The following AOPEP variants were observed in gnomAD, a reference collection of about 807,000 sequenced individuals.
AOPEP encodes the protein aminopeptidase O (putative).
AOPEP carries 77 observed loss-of-function variants against 98.1 expected under a neutral mutation model. The ratio of observed to expected loss-of-function variants is 0.78; its 90% CI spans 0.65 to 0.95. AOPEP has a LOEUF of 0.95. AOPEP is among the 40% of genes least tolerant of loss of function. The pLI is 0.00. For missense variants in AOPEP, 1,024 were observed against 1,024.7 expected (o/e 1.00, Z 0.01); for synonymous variants, 346 against 365.3 (o/e 0.95, Z 0.60).
chr9:95,071,914 G>T (rs143387081), intron 14 of AOPEP, among the ~76,000 whole-genome samples: 50 of 152,262 alleles, frequency 3.3e-4, no homozygotes, highest in Middle Eastern at 3.4e-3. Flanking sequence ...ACCTGCAGAG[G>T]GAAGAATAAG....
intron 3 of AOPEP, among the ~76,000 whole-genome samples, chr9:94,787,507 A>C (rs752574635): frequency 1.3e-5 from 2 of 152,254 alleles, no homozygotes; most frequent in Non-Finnish European, 2.9e-5. Context: ...GACAGGCAGC[A>C]AGAAAATCAG....
intron 1 of AOPEP, among the ~76,000 whole-genome samples, chr9:94,756,114 G>A (rs1390620995): frequency 6.6e-6 from 1 of 152,032 alleles, no homozygotes; most frequent in Non-Finnish European, 1.5e-5. Flanking sequence ...AAAAAAATTA[G>A]CCGGGTGTGG....
intron 13 of AOPEP, among the ~76,000 whole-genome samples, chr9:95,039,868 T>G (rs1314298345): frequency 6.6e-6 from 1 of 152,256 alleles, no homozygotes; most frequent in Non-Finnish European, 1.5e-5. Flanking sequence ...GCTGACTTTT[T>G]ATTTAGAGTT....
chr9:95,135,227 T>C, the AOPEP span: 3 of 975,728 alleles, frequency 3.1e-6, no homozygotes, highest in East Asian at 4.9e-5. Flanking sequence ...TACACGATTA[T>C]ATATAAAGGT....
At chr9:95,128,506 T>C in the AOPEP span, among the ~76,000 whole-genome samples, 9 of 152,194 alleles carry the variant, frequency 5.9e-5, no homozygotes, top group Non-Finnish European at 1.0e-4. Flanking sequence ...TAGAGAATCA[T>C]TCAATACTAA....
intron 10 of AOPEP, among the ~76,000 whole-genome samples, chr9:94,969,732 G>C (rs534869664): frequency 6.6e-6 from 1 of 152,152 alleles, no homozygotes; most frequent in South Asian, 2.1e-4. Flanking sequence ...AGCAAAATTG[G>C]TATTCAAACA....
chr9:94,902,269 G>A (rs1394252061), intron 5 of AOPEP, among the ~76,000 whole-genome samples: 2 of 152,206 alleles, frequency 1.3e-5, no homozygotes, highest in Admixed American at 6.5e-5. Flanking sequence ...TTCAGCAGGT[G>A]AGAAAGGAAA....
chr9:94,933,026 G>T, intron 7 of AOPEP: 11 of 985,406 alleles, frequency 1.1e-5, no homozygotes, highest in Non-Finnish European at 1.3e-5. Flanking sequence ...CTTTCCCACA[G>T]ATAAGACCCC....
intron 5 of AOPEP, among the ~76,000 whole-genome samples, chr9:94,862,649 A>G (rs1158077535): frequency 6.6e-6 from 1 of 152,152 alleles, no homozygotes; most frequent in Non-Finnish European, 1.5e-5. Flanking sequence ...CCTCCCTGGA[A>G]CCTTCTCCCA....
chr9:94,851,090 A>G (rs1041758182), intron 5 of AOPEP, among the ~76,000 whole-genome samples: 1 of 152,216 alleles, frequency 6.6e-6, no homozygotes, highest in African/African-American at 2.4e-5. Flanking sequence ...CTGACAGTCT[A>G]TACTTGGAGG....
chr9:94,924,958 G>A (rs960981103), intron 6 of AOPEP, among the ~76,000 whole-genome samples: 12 of 152,160 alleles, frequency 7.9e-5, no homozygotes, highest in Non-Finnish European at 5.9e-5. Context: ...AAGCAACTAA[G>A]CTGCTTCGTG....
At chr9:94,785,102 T>C (rs922749056) in intron 3 of AOPEP, among the ~76,000 whole-genome samples, 1 of 151,824 alleles carries the variant, frequency 6.6e-6, no homozygotes, top group African/African-American at 2.4e-5. Context: ...GCCCGGCTAA[T>C]TTTGTAGTTT....
intron 1 of AOPEP, among the ~76,000 whole-genome samples, chr9:94,745,333 A>G (rs535842338): frequency 3.3e-5 from 5 of 151,318 alleles, no homozygotes; most frequent in Admixed American, 2.0e-4. Context: ...CTGGAGTGCA[A>G]TGGGTGATCT....
At chr9:95,019,958 G>A (rs1256272348) in intron 13 of AOPEP, 1 of 152,334 alleles carries the variant, frequency 6.6e-6, no homozygotes, top group Non-Finnish European at 1.5e-5. Context: ...AGGAAGAGGA[G>A]AAGGATTGCC....
intron 5 of AOPEP, among the ~76,000 whole-genome samples, chr9:94,905,274 T>TCAATC (rs1212537336): frequency 6.6e-6 from 1 of 152,222 alleles, no homozygotes; most frequent in Non-Finnish European, 1.5e-5. Context: ...TTCATCTCAA[T>TCAATC]AACAAGCTCA....
At chr9:95,118,359 G>C in the AOPEP span, among the ~76,000 whole-genome samples, 1 of 152,230 alleles carries the variant, frequency 6.6e-6, no homozygotes, top group Non-Finnish European at 1.5e-5. Flanking sequence ...GTAAAACTGT[G>C]CTCGCATTTC....
chr9:94,754,051 CAG>C (rs1381301992), intron 1 of AOPEP, among the ~76,000 whole-genome samples: 1 of 152,144 alleles, frequency 6.6e-6, no homozygotes, highest in Non-Finnish European at 1.5e-5. Context: ...TTAAAAGAGA[CAG>C]ATTTATATAC....
At chr9:95,065,219 T>A (rs943642743) in intron 14 of AOPEP, 2 of 152,268 alleles carry the variant, frequency 1.3e-5, no homozygotes, top group African/African-American at 4.8e-5. Flanking sequence ...TGTAGTGTGC[T>A]GAACTTAGAA....
At chr9:94,994,706 C>A (rs1297178168) in intron 11 of AOPEP, among the ~76,000 whole-genome samples, 1 of 152,164 alleles carries the variant, frequency 6.6e-6, no homozygotes, top group African/African-American at 2.4e-5. Context: ...AATCCCAGCA[C>A]TTTGGGAGGC....
Sources: gnomAD v4.1 joint callset for allele counts (sites outside exome capture counted in the v4.1 genomes callset) on GRCh38, gnomAD v4.1.1 for gene constraint, MANE v1.5 for transcripts, NCBI Gene and HGNC (gene_info 2026-07-23, HGNC 2026-07-21) for gene names.